Variants in BZW1 observed in about 807,000 individuals in gnomAD.
BZW1 encodes the protein eIF5-mimic protein 2.
BZW1 carries 3 observed loss-of-function variants against 54.1 expected under a neutral mutation model. The ratio of observed to expected loss-of-function variants is 0.06; its 90% CI spans 0.03 to 0.14. The LOEUF (loss-of-function observed/expected upper bound fraction) is 0.14. Ranked by LOEUF, BZW1 falls within the 10% of genes least tolerant of loss-of-function variation. BZW1 has a pLI of 1.00. For missense variants in BZW1, 206 were observed against 491.7 expected, an observed-to-expected ratio of 0.42 and a Z score of 5.50; for synonymous variants, 152 against 162.7, an observed-to-expected ratio of 0.93 and a Z score of 0.50.
Position 200,818,412 on chromosome 2 carries a change from C to G in BZW1, c.819+19C>G. The G allele has an allele frequency of 6.3e-7, 1 of 1,593,834 alleles. No individual in the cohort carries two copies. Among genetic ancestry groups the G allele is most frequent in the South Asian group, 1.1e-5 (1 of 87,098 alleles). ...TAAGGATGTAAGTTTTTGTTTAAAC[C>G]GTCTTTTTATGGCTAAGCTTCTGGC... On this transcript the variant is annotated intron_variant, in intron 8 of 11. Transcript: ENST00000409600.
chr2:200,816,753 G>T (rs2038306939), intron 5 of BZW1, among the ~76,000 whole-genome samples: 1 of 152,188 alleles, frequency 6.6e-6, no homozygotes, highest in Non-Finnish European at 1.5e-5. Flanking sequence ...CTCCCAAAGT[G>T]CTGGGGTTAT....
chr2:200,825,584 C>T lies in BZW1; in HGVS notation c.*3406C>T, dbSNP rs2038670720. 2 of 152,210 alleles carry T rather than the reference C, an allele frequency of 1.3e-5. No individual in the cohort carries two copies. The allele number at this position is 152,210 out of a possible 1,614,324, so 9.4% of individuals were successfully genotyped here. On this transcript the variant is annotated 3_prime_UTR_variant, in exon 12 of 12. Coordinates refer to ENST00000409600, the MANE Select transcript of BZW1 (RefSeq NM_001207067.2). ...TTGTGCTTTGTTCCTTACCCCACCACAGGCAACAGACAAAGCATTTCCTGC... is the reference window on the plus strand; with the variant it reads ...TTGTGCTTTGTTCCTTACCCCACCATAGGCAACAGACAAAGCATTTCCTGC...
chr2:200,812,417 G>A, intron 1 of BZW1: 1 of 1,280,326 alleles, frequency 7.8e-7, no homozygotes, highest in Non-Finnish European at 9.9e-7. Context: ...GATGTACGGG[G>A]CGCCTGGGGC....
At chr2:200,818,164 G>C in intron 7 of BZW1, 59 bp from the exon 8 acceptor site, 1 of 1,512,740 alleles carries the variant, frequency 6.6e-7, no homozygotes, top group South Asian at 1.3e-5. Context: ...ACTGTGAAAA[G>C]AAAGTGTTTT....
At chr2:200,821,914 A>T (rs1023017647) in intron 11 of BZW1, among the ~76,000 whole-genome samples, 1 of 152,124 alleles carries the variant, frequency 6.6e-6, no homozygotes, top group African/African-American at 2.4e-5. Context: ...TACTAAAAAT[A>T]AAAAATTAGC....
chr2:200,822,020 G>A, intron 11 of BZW1, 127 bp from the exon 12 acceptor site: 2 of 828,004 alleles, frequency 2.4e-6, no homozygotes, highest in South Asian at 3.1e-5. Flanking sequence ...AGTGAGCCAA[G>A]AGGGTGCTGC....
At position 200,824,274 on chromosome 2, in the gene BZW1, A is replaced by C. The variant is rs1279070040; in HGVS notation, c.*2096A>C. On this transcript the variant is annotated 3_prime_UTR_variant, in exon 12 of 12. Coordinates refer to ENST00000409600, the MANE Select transcript of BZW1 (RefSeq NM_001207067.2). ...ATAAAAAGATTCCATTCTGAATCTT[A>C]AGTGGTAATTTTAGAATTCAGGTGC... is the stretch of plus-strand genomic sequence containing the variant. 1 of 152,212 alleles carries C rather than the reference A, an allele frequency of 6.6e-6. No homozygotes were observed. Among genetic ancestry groups the C allele is most frequent in the Non-Finnish European group, 1.5e-5 (1 of 68,006 alleles). 9.4% of individuals were successfully genotyped at this position (152,212 alleles called of 1,614,324 possible).
intron 10 of BZW1, 72 bp from the exon 11 acceptor site, chr2:200,821,111 A>G (rs2038491466): frequency 3.2e-6 from 5 of 1,540,000 alleles, no homozygotes; most frequent in Non-Finnish European, 4.4e-6. Context: ...AGGCATTTGC[A>G]CATTAGGTGG....
At chr2:200,812,617 G>C in intron 1 of BZW1, 1 of 1,338,856 alleles carries the variant, frequency 7.5e-7, no homozygotes, top group East Asian at 2.5e-5. Flanking sequence ...TGGGAGACAC[G>C]TTACCGGGGA....
intron 9 of BZW1, 74 bp from the exon 10 acceptor site, chr2:200,819,908 C>T: frequency 7.8e-7 from 1 of 1,280,270 alleles, no homozygotes; most frequent in Non-Finnish European, 1.0e-6. Context: ...TCTATATTGT[C>T]TGTATTGTAG....
intron 9 of BZW1, among the ~76,000 whole-genome samples, chr2:200,819,467 A>AT (rs558063772): frequency 6.6e-6 from 1 of 151,768 alleles, no homozygotes; most frequent in Non-Finnish European, 1.5e-5. Flanking sequence ...GAAAATAGGA[A>AT]TTTTTCCCCC....
rs1266396453 is a variant in BZW1 at position 200,824,444 on chromosome 2, G to T, written c.*2266G>T. 6.6e-6 allele frequency: 1 copy of T among 151,542 alleles called. No individual in the cohort carries two copies. The allele number at this position is 151,542 out of a possible 1,614,324, so 9.4% of individuals were successfully genotyped here. A position where few individuals can be genotyped will look rare whatever the true frequency, so the allele number is the denominator to read the frequency against. On this transcript the variant is annotated 3_prime_UTR_variant, in exon 12 of 12. Transcript: ENST00000409600. ...ACTAAATGAGTTTTTAGAGCTGGTT[G>T]TAAGTTTCTTAGCCTTACTCTGTGA...
intron 9 of BZW1, among the ~76,000 whole-genome samples, chr2:200,819,680 C>CA (rs1347570823): frequency 6.6e-6 from 1 of 151,848 alleles, no homozygotes; most frequent in Non-Finnish European, 1.5e-5. Flanking sequence ...GCCTCCTCGG[C>CA]CTCCCAAGTA....
intron 10 of BZW1, among the ~76,000 whole-genome samples, chr2:200,820,544 T>C (rs2038472030): frequency 6.6e-6 from 1 of 152,148 alleles, no homozygotes; most frequent in South Asian, 2.1e-4. Context: ...AGGCAGGGAA[T>C]GGTGGCGCAA....
chr2:200,825,684 A>G lies in BZW1; in HGVS notation c.*3506A>G, dbSNP rs971381372. 22 of 152,228 alleles carry G rather than the reference A, an allele frequency of 1.4e-4. No individual in the cohort carries two copies. The highest frequency in any genetic ancestry group is 7.3e-5 in the Non-Finnish European group (5 of 68,044). 9.4% of individuals were successfully genotyped at this position (152,228 alleles called of 1,614,324 possible). A position where few individuals can be genotyped will look rare whatever the true frequency, so the allele number is the denominator to read the frequency against. ...AAGTAGAATCATTTGGGTTCTTTCT[A>G]TAAAAATCAGTGAAAATCCTCTAGA... On this transcript the variant is annotated 3_prime_UTR_variant, in exon 12 of 12. Coordinates refer to ENST00000409600, the MANE Select transcript of BZW1 (RefSeq NM_001207067.2).
chr2:200,819,340 T>C (rs1417675658), intron 9 of BZW1, among the ~76,000 whole-genome samples: 4 of 152,112 alleles, frequency 2.6e-5, no homozygotes, highest in African/African-American at 9.7e-5. Context: ...AGTGAGCTTA[T>C]GATGGCTTTG....
chr2:200,816,116 A>G (rs2038278222), intron 4 of BZW1, among the ~76,000 whole-genome samples: 1 of 152,230 alleles, frequency 6.6e-6, no homozygotes, highest in African/African-American at 2.4e-5. Flanking sequence ...GTTAATCAAG[A>G]TCTCATTGGA....
Position 200,824,389 on chromosome 2 carries a change from CTG to C in BZW1, c.*2213_*2214del, listed in dbSNP as rs2038635775. On this transcript the variant is annotated 3_prime_UTR_variant, in exon 12 of 12. Transcript: ENST00000409600. ...ATGATTGGATAAATGTTTTTTCTAA[CTG>C]TCAGTTTCTAAGGCTGTCTCCTTAG... 6.6e-6 allele frequency: 1 copy of C among 151,868 alleles called. No homozygotes were observed. The highest frequency in any genetic ancestry group is 2.4e-5 in the African/African-American group (1 of 41,390). 9.4% of individuals were successfully genotyped at this position (151,868 alleles called of 1,614,324 possible).
intron 2 of BZW1, among the ~76,000 whole-genome samples, chr2:200,813,795 T>C (rs1209127133): frequency 2.6e-5 from 4 of 152,096 alleles, no homozygotes. Flanking sequence ...TTTGCATTAG[T>C]GTGTACTTAG....
Sources: gnomAD v4.1 joint callset for allele counts (sites outside exome capture counted in the v4.1 genomes callset) on GRCh38, gnomAD v4.1.1 for gene constraint, MANE v1.5 for transcripts, NCBI Gene and HGNC (gene_info 2026-07-23, HGNC 2026-07-21) for gene names.